CHODL: variants seen among roughly 807,000 people sequenced by gnomAD.
CHODL encodes chondrolectin, also known as transmembrane protein MT75.
A neutral mutation model predicts 34.5 loss-of-function variants in CHODL; 29 were observed. The ratio of observed to expected loss-of-function variants is 0.84; its 90% CI spans 0.63 to 1.15. The LOEUF (loss-of-function observed/expected upper bound fraction) is 1.15. CHODL is among the 50% of genes most tolerant of loss of function. CHODL has a pLI of 0.00. For missense variants in CHODL, 332 were observed against 332.5 expected (o/e 1.00, Z 0.01); for synonymous variants, 125 against 116.1 (o/e 1.08, Z -0.49).
intron 2 of CHODL, among the ~76,000 whole-genome samples, chr21:18,108,875 C>G (rs894147541): frequency 1.4e-4 from 18 of 132,060 alleles, no homozygotes; most frequent in Admixed American, 3.7e-4. Flanking sequence ...GTGTGTGTTT[C>G]TTCTAACTTT....
chr21:18,040,608 C>G (rs1035085369), intron 2 of CHODL, among the ~76,000 whole-genome samples: 2 of 151,838 alleles, frequency 1.3e-5, no homozygotes, highest in Middle Eastern at 3.4e-3. Context: ...TAACAAAAAG[C>G]TTCTTAATGG....
chr21:18,072,248 C>G (rs158021), intron 2 of CHODL, among the ~76,000 whole-genome samples: 57,196 of 151,598 alleles, frequency 0.38, 12,368 homozygotes, highest in East Asian at 0.95. Context: ...CAATTTTAAA[C>G]ATCTCTCTTT....
intron 2 of CHODL, among the ~76,000 whole-genome samples, chr21:18,066,270 T>C (rs867998264): frequency 6.6e-6 from 1 of 152,216 alleles, no homozygotes; most frequent in Admixed American, 6.5e-5. Flanking sequence ...ACTGAGATTC[T>C]CAGGCTGGAA....
rs10634402 is a variant in CHODL, at chr21:18,071,146, A to ATTTT, written c.-45+43191_-45+43194dup. Reference sequence around the variant, plus strand: ...TCCTACTTTGGACTATAACTACAGCATTTTTTTTTTTTTTTTTTTGAGAGG... The same window carrying ATTTT: ...TCCTACTTTGGACTATAACTACAGCATTTTTTTTTTTTTTTTTTTTTTTGAGAGG... On this transcript the variant is annotated intron_variant, in intron 2 of 6. Transcript: ENST00000400127. Among the ~76,000 whole-genome samples the ATTTT allele has an allele frequency of 7.1e-4, 80 of 112,624 alleles. 5 individuals carry two copies. The highest frequency in any genetic ancestry group is 6.0e-3 in the Middle Eastern group (1 of 166). The allele number at this position is 112,624 out of a possible 152,430, so 73.9% of individuals were successfully genotyped here.
upstream of CHODL, among the ~76,000 whole-genome samples, chr21:18,241,564 T>C (rs1029722350): frequency 6.6e-6 from 1 of 152,178 alleles, no homozygotes; most frequent in Non-Finnish European, 1.5e-5. Context: ...TGACTTAGGC[T>C]GAAGCCACTG....
At chr21:18,099,196 A>G (rs181576480) in intron 2 of CHODL, among the ~76,000 whole-genome samples, 45 of 152,172 alleles carry the variant, frequency 3.0e-4, no homozygotes, top group African/African-American at 1.1e-3. Context: ...ACTATAGTCA[A>G]TAATAATTTA....
intron 2 of CHODL, among the ~76,000 whole-genome samples, chr21:18,089,070 C>G (rs143218844): frequency 2.0e-5 from 3 of 152,298 alleles, no homozygotes; most frequent in Admixed American, 6.5e-5. Context: ...CCTGAAGATT[C>G]AGCTATAAAT....
At position 18,250,144 on chromosome 21, in the gene CHODL, A is replaced by G. The variant is rs565226926; in HGVS notation, c.79+4842A>G. On this transcript the variant is annotated intron_variant, in intron 1 of 5. Transcript: ENST00000299295. Reference sequence around the variant, plus strand: ...TATAAAACTCATAACTGGTCTCATTATTTAAGTAAGAAGACTGAGGCCAGG... The same window carrying G: ...TATAAAACTCATAACTGGTCTCATTGTTTAAGTAAGAAGACTGAGGCCAGG... Among the ~76,000 whole-genome samples, 7 of 152,260 alleles carry G rather than the reference A, an allele frequency of 4.6e-5. No homozygotes were observed. The South Asian group carries it at 1.5e-3, about 32-fold the overall frequency.
rs542724205 is a variant in CHODL, at chr21:18,044,003, A to G, written c.-45+16032A>G. 5.3e-5 allele frequency among the ~76,000 whole-genome samples: 8 copies of G among 152,084 alleles called. No individual in the cohort carries two copies. In the South Asian group the frequency reaches 1.4e-3, roughly 28 times the overall value. ...TTCAGTTATCTCCCCGCCACAACAC[A>G]TGGGGATTATGGGAGCTACAATTCA... On this transcript the variant is annotated intron_variant, in intron 2 of 6. Transcript: ENST00000400127.
At chr21:18,037,153 A>G (rs1451409965) in intron 2 of CHODL, among the ~76,000 whole-genome samples, 1 of 151,974 alleles carries the variant, frequency 6.6e-6, no homozygotes, top group Non-Finnish European at 1.5e-5. Flanking sequence ...CAACAGACCT[A>G]CATTGAATTA....
chr21:17,931,288 T>C (rs2063271172), intron 1 of CHODL, among the ~76,000 whole-genome samples: 1 of 151,948 alleles, frequency 6.6e-6, no homozygotes, highest in Non-Finnish European at 1.5e-5. Context: ...GGTCTGGAGG[T>C]TGAACTGCAA....
chr21:17,983,297 C>A (rs548518265), intron 1 of CHODL, among the ~76,000 whole-genome samples: 1 of 152,210 alleles, frequency 6.6e-6, no homozygotes, highest in South Asian at 2.1e-4. Context: ...ATTTTTAGAG[C>A]ATTTACATCA....
At chr21:18,246,971 T>G (rs1183631799) in intron 1 of CHODL, among the ~76,000 whole-genome samples, 2 of 152,212 alleles carry the variant, frequency 1.3e-5, no homozygotes, top group African/African-American at 4.8e-5. Flanking sequence ...TAAATGATGA[T>G]GTTTATTTGA....
At chr21:17,974,031 T>C (rs1433107923) in intron 1 of CHODL, among the ~76,000 whole-genome samples, 1 of 152,184 alleles carries the variant, frequency 6.6e-6, no homozygotes, top group Non-Finnish European at 1.5e-5. Context: ...TACTTCTCTG[T>C]GCCAGAGTGA....
intron 1 of CHODL, among the ~76,000 whole-genome samples, chr21:17,999,817 C>T (rs1480771199): frequency 1.3e-5 from 2 of 152,212 alleles, no homozygotes; most frequent in African/African-American, 4.8e-5. Flanking sequence ...ACCACATCAC[C>T]TTCCTTCAGC....
intron 1 of CHODL, among the ~76,000 whole-genome samples, chr21:17,948,373 C>T (rs1438908980): frequency 6.6e-6 from 1 of 151,508 alleles, no homozygotes; most frequent in African/African-American, 2.4e-5. Flanking sequence ...GCTAACATTA[C>T]ACTTCAAGAA....
intron 1 of CHODL, among the ~76,000 whole-genome samples, chr21:17,936,499 T>C (rs2824562): frequency 0.41 from 62,288 of 151,382 alleles, 12,849 homozygotes; most frequent in South Asian, 0.56. Flanking sequence ...AAAGAGTCCA[T>C]TTGGAAAATG....
At chr21:18,181,908 ATAATATTCCAT>A (rs1339593629) in intron 2 of CHODL, among the ~76,000 whole-genome samples, 6 of 152,192 alleles carry the variant, frequency 3.9e-5, no homozygotes, top group African/African-American at 1.2e-4. Flanking sequence ...TTATTGCTAA[ATAATATTCCAT>A]TAATATTCCA....
chr21:18,069,343 T>C (rs1057225386), intron 2 of CHODL, among the ~76,000 whole-genome samples: 1 of 152,114 alleles, frequency 6.6e-6, no homozygotes, highest in Non-Finnish European at 1.5e-5. Context: ...AAATCCCATT[T>C]CGTATTCTAT....
Sources: gnomAD v4.1 joint callset for allele counts (sites outside exome capture counted in the v4.1 genomes callset) on GRCh38, gnomAD v4.1.1 for gene constraint, MANE v1.5 for transcripts, NCBI Gene and HGNC (gene_info 2026-07-23, HGNC 2026-07-21) for gene names.